FAM32A: variants seen among roughly 807,000 people sequenced by gnomAD.
The protein encoded by FAM32A is family with sequence similarity 32 member A.
In FAM32A, 9 loss-of-function variants were observed where a neutral mutation model predicts 15.8. That is an observed-to-expected ratio of 0.57 (90% CI 0.34 to 1.00). FAM32A has a LOEUF of 1.00. Ranked by LOEUF, FAM32A falls within the 50% of genes least tolerant of loss-of-function variation. The pLI, the probability that FAM32A is intolerant of heterozygous loss-of-function variation, is 0.02. For missense variants in FAM32A, 113 were observed against 138.3 expected (o/e 0.82, Z 0.92); for synonymous variants, 64 against 54.9 (o/e 1.16, Z -0.73).
chr19:16,185,419 G>C lies in FAM32A; in HGVS notation c.-24G>C, dbSNP rs1284803539. ...TGCAAACAGGAAGTGTGGCACTCCAGCTACCGAAGCACTGGAGAGTGTCAT... is the reference window on the plus strand; with the variant it reads ...TGCAAACAGGAAGTGTGGCACTCCACCTACCGAAGCACTGGAGAGTGTCAT... On this transcript the variant is annotated 5_prime_UTR_variant, in exon 1 of 4. Transcript: ENST00000263384. 2 of 1,550,570 alleles carry C rather than the reference G, an allele frequency of 1.3e-6. No individual in the cohort carries two copies. Among genetic ancestry groups the C allele is most frequent in the African/African-American group, 2.7e-5 (2 of 73,184 alleles).
Position 16,185,433 on chromosome 19 carries a change from G to A in FAM32A, c.-10G>A, listed in dbSNP as rs534316222. ...GTGGCACTCCAGCTACCGAAGCACT[G>A]GAGAGTGTCATGGAGGCCTACGAGC... is the stretch of plus-strand genomic sequence containing the variant. On this transcript the variant is annotated 5_prime_UTR_variant, in exon 1 of 4. Transcript: ENST00000263384. 2 of 1,555,084 alleles carry A rather than the reference G, an allele frequency of 1.3e-6. No homozygotes were observed. The highest frequency in any genetic ancestry group is 1.9e-5 in the Admixed American group (1 of 51,384).
chr19:16,190,457 C>T, intron 2 of FAM32A, 63 bp from the exon 3 acceptor site: 4 of 1,219,504 alleles, frequency 3.3e-6, no homozygotes, highest in Non-Finnish European at 2.4e-6. Flanking sequence ...CCATCTTCCA[C>T]CCCATGCCAG....
intron 2 of FAM32A, chr19:16,189,599 A>C (rs1599445200): frequency 7.0e-6 from 1 of 142,776 alleles, no homozygotes. Flanking sequence ...GGCCACAGTC[A>C]CCCAGCCAGG....
chr19:16,190,463 G>A (rs1039944538), intron 2 of FAM32A, 57 bp from the exon 3 acceptor site: 2 of 1,299,260 alleles, frequency 1.5e-6, no homozygotes, highest in East Asian at 4.8e-5. Flanking sequence ...TCCACCCCAT[G>A]CCAGCCTGGG....
intron 3 of FAM32A, 24 bp downstream of exon 3, chr19:16,190,597 G>A: frequency 6.3e-7 from 1 of 1,596,966 alleles, no homozygotes. Flanking sequence ...TCCAGTGGGG[G>A]AGACTGAGCC....
chr19:16,188,349 G>A (rs1216586217), intron 2 of FAM32A, among the ~76,000 whole-genome samples: 1 of 152,186 alleles, frequency 6.6e-6, no homozygotes, highest in African/African-American at 2.4e-5. Context: ...GCTGTTTACT[G>A]GGGTGGGAAG....
chr19:16,185,640 G>A lies in FAM32A; in HGVS notation c.91G>A (p.Asp31Asn). ...GVTKRKKKKK[D>N]KDKAKLLEAM... ...TTTTTCCAGGAAGAAGAAAAAGAAG[G>A]ACAAAGACAAAGCGAAACTCCTGGA... Residue 31 changes from aspartate to asparagine, a missense_variant, in exon 2 of 4, where the codon GAC becomes AAC. This residue lies in a region of FAM32A where 112 missense variants were observed against 118.6 expected (regional missense o/e 0.94). Coordinates refer to ENST00000263384, the MANE Select transcript of FAM32A (RefSeq NM_014077.4). The A allele has an allele frequency of 6.3e-7, 1 of 1,598,326 alleles. No individual in the cohort carries two copies. Among genetic ancestry groups the A allele is most frequent in the East Asian group, 2.2e-5 (1 of 44,590 alleles).
rs943035582 is a variant in FAM32A at position 16,191,143 on chromosome 19, A to G, written c.*188A>G. The stretch of plus-strand genomic sequence containing the variant: ...TTAAAGTAAGATCGTCCTTGTACTC[A>G]GTTTAGGCTTCTTGGCAACATACAG... On this transcript the variant is annotated 3_prime_UTR_variant, in exon 4 of 4. Transcript: ENST00000263384. The G allele has an allele frequency of 6.0e-5, 36 of 601,778 alleles. No individual in the cohort carries two copies. In the Admixed American group the frequency reaches 9.4e-4, roughly 16 times the overall value. The allele number at this position is 601,778 out of a possible 1,614,324, so 37.3% of individuals were successfully genotyped here. A position where few individuals can be genotyped will look rare whatever the true frequency, so the allele number is the denominator to read the frequency against.
intron 2 of FAM32A, among the ~76,000 whole-genome samples, chr19:16,185,996 T>C (rs2091384531): frequency 1.3e-5 from 2 of 152,138 alleles, no homozygotes; most frequent in South Asian, 4.1e-4. Context: ...GAGCTAGAAC[T>C]GGCGTTGAAA....
Position 16,191,388 on chromosome 19 carries a change from G to A in FAM32A, c.*433G>A, listed in dbSNP as rs974406998. On this transcript the variant is annotated 3_prime_UTR_variant, in exon 4 of 4. Transcript: ENST00000263384. ...GAGCCCCGCAGGACCCAGCGTGGGC[G>A]CCCTTCCAAGCTTCCTCTAGCTTTG... 7.5e-5 allele frequency: 14 copies of A among 186,454 alleles called. No homozygotes were observed. The highest frequency in any genetic ancestry group is 2.6e-4 in the African/African-American group (11 of 42,288). The allele number at this position is 186,454 out of a possible 1,614,324, so 11.5% of individuals were successfully genotyped here.
chr19:16,189,709 C>T (rs1017952483), intron 2 of FAM32A, among the ~76,000 whole-genome samples: 2 of 81,456 alleles, frequency 2.5e-5, no homozygotes, highest in Non-Finnish European at 5.0e-5. Flanking sequence ...GGGTCTCTCT[C>T]TCTGTCACCC....
Position 16,189,668 on chromosome 19 carries a change from C to CTTTTTT in FAM32A, c.217-831_217-826dup, listed in dbSNP as rs71178652. On this transcript the variant is annotated intron_variant, in intron 2 of 3. Coordinates refer to ENST00000263384, the MANE Select transcript of FAM32A (RefSeq NM_014077.4). ...TGGCTTTATATCCCACACTCCAACTCTTTTTTTTTTTTTTTTTTTTTTTTT... is the reference window on the plus strand; with the variant it reads ...TGGCTTTATATCCCACACTCCAACTCTTTTTTTTTTTTTTTTTTTTTTTTTTTTTTT... Among the ~76,000 whole-genome samples the CTTTTTT allele has an allele frequency of 1.0e-4, 6 of 58,584 alleles. 1 individual carries two copies. The highest frequency in any genetic ancestry group is 1.4e-3 in the East Asian group (2 of 1,478). The allele number at this position is 58,584 out of a possible 152,430, so 38.4% of individuals were successfully genotyped here.
intron 2 of FAM32A, chr19:16,186,255 A>T (rs144098300): frequency 6.4e-6 from 1 of 156,060 alleles, no homozygotes; most frequent in Non-Finnish European, 1.4e-5. Context: ...AAGTCACCAC[A>T]AAGTTTGTTT....
intron 2 of FAM32A, chr19:16,186,576 T>C (rs2091386817): frequency 6.6e-6 from 1 of 152,210 alleles, no homozygotes; most frequent in Non-Finnish European, 1.5e-5. Context: ...TCTCAGCTGT[T>C]GATATTGAAT....
intron 2 of FAM32A, 33 bp from the exon 3 acceptor site, chr19:16,190,487 G>A (rs752319269): frequency 2.6e-6 from 4 of 1,548,084 alleles, no homozygotes; most frequent in Non-Finnish European, 3.5e-6. Context: ...TGTTGAGCCT[G>A]TAAACTCACC....
At chr19:16,189,019 C>CTTTTTTTTTT in intron 2 of FAM32A, among the ~76,000 whole-genome samples, 1 of 83,392 alleles carries the variant, frequency 1.2e-5, no homozygotes, top group Non-Finnish European at 2.5e-5. Context: ...CTCAGTGCTT[C>CTTTTTTTTTT]TTTTTTTTTT....
chr19:16,185,457 G>A lies in FAM32A; in HGVS notation c.15G>A (p.Glu5=), dbSNP rs774426416. The change falls in exon 1 of 4, where the codon GAG becomes GAA. Residue 5 remains glutamate, a synonymous_variant. Transcript: ENST00000263384. ...TGGAGAGTGTCATGGAGGCCTACGA[G>A]CAGGTCCAAAAGGGACCCCTGAAGC... MEAY[E]QVQKGPLKLK... 2.6e-6 allele frequency: 4 copies of A among 1,559,334 alleles called. 1 individual carries two copies. Among genetic ancestry groups the A allele is most frequent in the East Asian group, 4.8e-5 (2 of 41,650 alleles).
At chr19:16,190,428 G>A (rs2091401468) in intron 2 of FAM32A, 92 bp from the exon 3 acceptor site, 1 of 836,518 alleles carries the variant, frequency 1.2e-6, no homozygotes, top group South Asian at 1.5e-5. Context: ...CTAAATGTGA[G>A]AGCCAGTCTG....
At chr19:16,186,877 C>G (rs1482792543) in intron 2 of FAM32A, among the ~76,000 whole-genome samples, 1 of 152,076 alleles carries the variant, frequency 6.6e-6, no homozygotes, top group Non-Finnish European at 1.5e-5. Context: ...TGGCTAGAGG[C>G]CAGGGATGAC....
Sources: gnomAD v4.1 joint callset for allele counts (sites outside exome capture counted in the v4.1 genomes callset) on GRCh38, gnomAD v4.1.1 for gene constraint, gnomAD v4.1.1 regional missense constraint, MANE v1.5 for transcripts, NCBI Gene and HGNC (gene_info 2026-07-23, HGNC 2026-07-21) for gene names.